The following NIPAL2 variants were observed in gnomAD, a reference collection of about 807,000 sequenced individuals.
NIPAL2 encodes the protein NIPA like domain containing 2, also known as NIPA-like protein 2.
NIPAL2 carries 43 observed loss-of-function variants against 48.9 expected under a neutral mutation model. The ratio of observed to expected loss-of-function variants is 0.88; its 90% CI spans 0.69 to 1.13. The LOEUF is 1.13. Ranked by LOEUF, NIPAL2 falls within the 50% of genes most tolerant of loss-of-function variation. The pLI, the probability that NIPAL2 is intolerant of heterozygous loss-of-function variation, is 0.00. For synonymous variants in NIPAL2, 167 were observed against 174.6 expected, an observed-to-expected ratio of 0.96 and a Z score of 0.34; for missense variants, 446 against 461.4, an observed-to-expected ratio of 0.97 and a Z score of 0.31.
Position 98,280,759 on chromosome 8 carries a change from TATAGAG to T in NIPAL2, c.135+13238_135+13243del, listed in dbSNP as rs1184957528. ...TACTATATATATATATATATATATA[TATAGAG>T]AGAGAGAGAGAGAGAGAGAGAGAGA... On this transcript the variant is annotated intron_variant, in intron 1 of 10. Transcript: ENST00000430223. 8.5e-3 allele frequency among the ~76,000 whole-genome samples: 266 copies of T among 31,288 alleles called. 1 individual carries two copies. The highest frequency in any genetic ancestry group is 0.015 in the Non-Finnish European group (218 of 14,100). The allele number at this position is 31,288 out of a possible 152,430, so 20.5% of individuals were successfully genotyped here. A position where few individuals can be genotyped will look rare whatever the true frequency, so the allele number is the denominator to read the frequency against.
chr8:98,220,964 C>CTTTTTTTTTTTTTTTTT (rs557824737), intron 5 of NIPAL2, among the ~76,000 whole-genome samples: 3 of 68,666 alleles, frequency 4.4e-5, no homozygotes, highest in African/African-American at 6.4e-5. Flanking sequence ...TCATTTCATT[C>CTTTTTTTTTTTTTTTTT]TTTTTTTTTT....
rs758959579 is a variant in NIPAL2 at position 98,194,721 on chromosome 8, A to G, written c.1039+7T>C. On this transcript the variant is annotated splice_region_variant and intron_variant, in intron 10 of 10. Transcript: ENST00000430223. Reference sequence around the variant, plus strand: ...AATTTTCCACTATAAAGAATATATGATTTTACCAGGAATATTTCCAAAATC... The same window carrying G: ...AATTTTCCACTATAAAGAATATATGGTTTTACCAGGAATATTTCCAAAATC... The G allele has an allele frequency of 1.3e-6, 2 of 1,506,168 alleles. No homozygotes were observed. Among genetic ancestry groups the G allele is most frequent in the African/African-American group, 1.4e-5 (1 of 70,820 alleles). 93.3% of individuals were successfully genotyped at this position (1,506,168 alleles called of 1,614,324 possible). A position where few individuals can be genotyped will look rare whatever the true frequency, so the allele number is the denominator to read the frequency against.
intron 4 of NIPAL2, among the ~76,000 whole-genome samples, chr8:98,233,002 G>A (rs1000421845): frequency 2.0e-5 from 3 of 152,162 alleles, no homozygotes; most frequent in Admixed American, 2.0e-4. Flanking sequence ...GCTCATGCCT[G>A]TAATCCCAGC....
chr8:98,288,381 T>A (rs1816305367), intron 1 of NIPAL2, among the ~76,000 whole-genome samples: 1 of 151,010 alleles, frequency 6.6e-6, no homozygotes, highest in Admixed American at 6.6e-5. Flanking sequence ...CATCATTTTT[T>A]ATGGCTGCAT....
intron 8 of NIPAL2, among the ~76,000 whole-genome samples, chr8:98,202,437 G>A (rs1246690202): frequency 1.3e-5 from 2 of 152,194 alleles, no homozygotes; most frequent in Non-Finnish European, 2.9e-5. Context: ...CCCAAATGCT[G>A]GAGGTGGGGC....
chr8:98,294,190 G>A lies in NIPAL2; in HGVS notation c.-53C>T, dbSNP rs1816651924. The A allele has an allele frequency of 3.1e-6, 4 of 1,286,616 alleles. No individual in the cohort carries two copies. The South Asian group carries it at 9.7e-5, about 31-fold the overall frequency. The allele number at this position is 1,286,616 out of a possible 1,614,324, so 79.7% of individuals were successfully genotyped here. A position where few individuals can be genotyped will look rare whatever the true frequency, so the allele number is the denominator to read the frequency against. ...CGGCTCGGGCTGCGGCCGCCTCCCC[G>A]CCCTGTTGCACCGCGAGGAGGCCGC... On this transcript the variant is annotated 5_prime_UTR_variant, in exon 1 of 11. Transcript: ENST00000430223.
chr8:98,259,821 G>A (rs1814181746), intron 1 of NIPAL2, among the ~76,000 whole-genome samples: 1 of 152,184 alleles, frequency 6.6e-6, no homozygotes, highest in African/African-American at 2.4e-5. Context: ...GCCATCCCTA[G>A]AGCACCCAGC....
At chr8:98,227,852 A>G (rs193161248) in intron 4 of NIPAL2, among the ~76,000 whole-genome samples, 109 of 152,298 alleles carry the variant, frequency 7.2e-4, no homozygotes, top group Middle Eastern at 3.4e-3. Context: ...CTTGTGGCCT[A>G]GAGAGCCTTT....
intron 4 of NIPAL2, among the ~76,000 whole-genome samples, chr8:98,225,813 C>G (rs1355832607): frequency 1.3e-5 from 2 of 152,096 alleles, no homozygotes; most frequent in Non-Finnish European, 2.9e-5. Context: ...AATCCTATCT[C>G]TCCCTCTACC....
intron 3 of NIPAL2, among the ~76,000 whole-genome samples, chr8:98,238,825 A>G (rs976244904): frequency 3.9e-5 from 6 of 152,204 alleles, no homozygotes; most frequent in African/African-American, 1.4e-4. Flanking sequence ...ATGGCTCATT[A>G]AAGTAAGAAA....
chr8:98,238,301 A>G (rs980403085), intron 3 of NIPAL2, among the ~76,000 whole-genome samples: 1 of 152,248 alleles, frequency 6.6e-6, no homozygotes, highest in Non-Finnish European at 1.5e-5. Context: ...AAAAGTTATC[A>G]TAAAATAATA....
At chr8:98,207,583 T>C (rs1811098829) in intron 6 of NIPAL2, among the ~76,000 whole-genome samples, 1 of 152,080 alleles carries the variant, frequency 6.6e-6, no homozygotes, top group Non-Finnish European at 1.5e-5. Context: ...ATGAATTAAC[T>C]TGAAATTCAT....
intron 1 of NIPAL2, among the ~76,000 whole-genome samples, chr8:98,268,347 G>A (rs1814901003): frequency 6.6e-6 from 1 of 152,134 alleles, no homozygotes; most frequent in African/African-American, 2.4e-5. Flanking sequence ...AAGGCAGGGT[G>A]CGGTGGCTCA....
chr8:98,276,604 G>A (rs1815479957), intron 1 of NIPAL2, among the ~76,000 whole-genome samples: 1 of 152,156 alleles, frequency 6.6e-6, no homozygotes, highest in Non-Finnish European at 1.5e-5. Flanking sequence ...TGTCTGGTAA[G>A]AGAATGTTTA....
chr8:98,261,037 G>A (rs1466665056), intron 1 of NIPAL2, among the ~76,000 whole-genome samples: 1 of 152,122 alleles, frequency 6.6e-6, no homozygotes, highest in African/African-American at 2.4e-5. Context: ...TCACACGGCA[G>A]GGTATTCCAA....
At position 98,216,914 on chromosome 8, in the gene NIPAL2, A is replaced by G. The variant is rs556871148; in HGVS notation, c.559-4413T>C. The G allele has an allele frequency of 1.2e-5, 5 of 409,152 alleles. No homozygotes were observed. The East Asian group carries it at 7.9e-4, about 65-fold the overall frequency. The allele number at this position is 409,152 out of a possible 1,614,324, so 25.3% of individuals were successfully genotyped here. A position where few individuals can be genotyped will look rare whatever the true frequency, so the allele number is the denominator to read the frequency against. On this transcript the variant is annotated intron_variant, in intron 5 of 10. Transcript: ENST00000430223. ...CAAGAAAAGGGCCTCATGGTCAAAT[A>G]AGCCTGGGCATGTAGGATTAACAAA...
rs71572005 is a variant in NIPAL2, at chr8:98,280,736, C to CTATATATATATA, written c.135+13255_135+13266dup. The stretch of plus-strand genomic sequence containing the variant: ...CCTCTGACTTTCAAATAGTCCATTA[C>CTATATATATATA]TATATATATATATATATATATATAT... On this transcript the variant is annotated intron_variant, in intron 1 of 10. Transcript: ENST00000430223. 2.3e-3 allele frequency among the ~76,000 whole-genome samples: 91 copies of CTATATATATATA among 38,982 alleles called. 2 individuals are homozygous for CTATATATATATA. The highest frequency in any genetic ancestry group is 0.016 in the Middle Eastern group (1 of 62). 25.6% of individuals were successfully genotyped at this position (38,982 alleles called of 152,430 possible).
intron 1 of NIPAL2, among the ~76,000 whole-genome samples, chr8:98,278,866 C>A (rs192240910): frequency 6.6e-6 from 1 of 152,094 alleles, no homozygotes; most frequent in East Asian, 1.9e-4. Context: ...TTTGAATATA[C>A]CAAACACACA....
At chr8:98,263,508 CA>C (rs1460717383) in intron 1 of NIPAL2, among the ~76,000 whole-genome samples, 32 of 150,988 alleles carry the variant, frequency 2.1e-4, no homozygotes, top group African/African-American at 7.8e-4. Context: ...CACCTCTATG[CA>C]AATAAACTAG....
Sources: allele counts gnomAD v4.1 joint callset (sites outside exome capture counted in the v4.1 genomes callset), GRCh38; gene constraint gnomAD v4.1.1; transcripts MANE v1.5; gene names NCBI Gene and HGNC (gene_info 2026-07-23, HGNC 2026-07-21).